The following LHX6 variants were observed in gnomAD, a reference collection of about 807,000 sequenced individuals.
The protein encoded by LHX6 is LIM homeobox 6.
In LHX6, 15 loss-of-function variants were observed where a neutral mutation model predicts 47.1. The ratio of observed to expected loss-of-function variants is 0.32; its 90% CI spans 0.21 to 0.49. The LOEUF (loss-of-function observed/expected upper bound fraction) is 0.49, where lower values mean the gene tolerates loss of function less well. Among genes scored for constraint, LHX6 ranks in the 20% least tolerant of loss-of-function variants. The pLI, the probability that LHX6 is intolerant of heterozygous loss-of-function variation, is 0.99. For missense variants in LHX6, 404 were observed against 539.6 expected (o/e 0.75, Z 2.49); for synonymous variants, 242 against 233.5 (o/e 1.04, Z -0.33).
intron 4 of LHX6, among the ~76,000 whole-genome samples, chr9:122,225,269 A>G (rs1044282354): frequency 1.3e-5 from 2 of 152,234 alleles, no homozygotes; most frequent in Admixed American, 6.5e-5. Flanking sequence ...AGCTTTCTCC[A>G]CTTTTTGAGA....
rs764112046 is a variant in LHX6 at position 122,226,888 on chromosome 9, G to C, written c.299C>G (p.Ser100Cys). ...GTCCAGGATCTCGAGGCCGCAGCTG[G>C]AGCAGATGTTCTTGCCTGCAGACGG... ...SVPSAGKNIC[S>C]SCGLEILDRY... is the part of the protein sequence containing the mutation. The change falls in exon 3 of 10, where the codon TCC (serine) becomes TGC (cysteine). Residue 100 changes from serine to cysteine, a missense_variant. Transcript: ENST00000394319. The surrounding 1 kb of genome is among the most constrained non-coding windows in gnomAD (Gnocchi z 6.5). The C allele has an allele frequency of 6.4e-7, 1 of 1,567,404 alleles. No homozygotes were observed. Among genetic ancestry groups the C allele is most frequent in the Non-Finnish European group, 8.6e-7 (1 of 1,156,286 alleles).
intron 8 of LHX6, among the ~76,000 whole-genome samples, chr9:122,212,002 A>G (rs1046504601): frequency 1.3e-5 from 2 of 152,146 alleles, no homozygotes; most frequent in African/African-American, 4.8e-5. Context: ...ATAAAGAGAC[A>G]TGGTTTCCAA....
At chr9:122,224,015 G>GC (rs1554810578) in intron 4 of LHX6, among the ~76,000 whole-genome samples, 1 of 151,962 alleles carries the variant, frequency 6.6e-6, no homozygotes, top group Non-Finnish European at 1.5e-5. Flanking sequence ...CATCTGGCAT[G>GC]TTTTTTTGTA....
At chr9:122,215,601 G>C (rs185301177) in intron 5 of LHX6, among the ~76,000 whole-genome samples, 1 of 152,306 alleles carries the variant, frequency 6.6e-6, no homozygotes, top group Admixed American at 6.5e-5. Context: ...CACAGTGTGG[G>C]AAAGCTCTGA....
chr9:122,209,581 C>G (rs747295253), intron 9 of LHX6, 33 bp downstream of exon 9: 4 of 1,613,632 alleles, frequency 2.5e-6, no homozygotes, highest in Non-Finnish European at 3.4e-6. Flanking sequence ...CAGGGTGGCT[C>G]TGACCCACCA....
At chr9:122,225,817 G>A (rs1831070851) in intron 4 of LHX6, among the ~76,000 whole-genome samples, 2 of 152,206 alleles carry the variant, frequency 1.3e-5, no homozygotes, top group African/African-American at 4.8e-5. Context: ...GTATGGGATC[G>A]GATCTGAGAC....
chr9:122,221,320 C>T (rs1588355876), intron 4 of LHX6: 4 of 985,558 alleles, frequency 4.1e-6, no homozygotes, highest in Non-Finnish European at 4.8e-6. Context: ...CCTCTCGGCT[C>T]CCCCAACATC....
intron 2 of LHX6, 28 bp from the exon 3 acceptor site, chr9:122,227,058 C>G (rs1255846757): frequency 1.4e-6 from 2 of 1,452,890 alleles, no homozygotes; most frequent in African/African-American, 2.9e-5. Context: ...AGGAGAGGAG[C>G]GCTGATCCGG....
At chr9:122,221,485 A>G in intron 4 of LHX6, 1 of 985,540 alleles carries the variant, frequency 1.0e-6, no homozygotes, top group Non-Finnish European at 1.2e-6. Flanking sequence ...GCGGAGGGCC[A>G]GAGAAGGCTA....
rs188875777 is a variant in LHX6, at chr9:122,213,038, C to T, written c.1054+568G>A. Among the ~76,000 whole-genome samples the T allele has an allele frequency of 4.1e-3, 624 of 152,190 alleles. 10 individuals are homozygous for T. The highest frequency in any genetic ancestry group is 0.037 in the Admixed American group (565 of 15,294). On this transcript the variant is annotated intron_variant, in intron 8 of 9. Transcript: ENST00000394319. This position sits in a 1 kb window ranked among gnomAD's most constrained non-coding sequence, Gnocchi z 5.5. ...ACTCCCATCACACTGGCCTTCTGCTCCCCAGAACACACCCATGCCACGATG... is the reference window on the plus strand; with the variant it reads ...ACTCCCATCACACTGGCCTTCTGCTTCCCAGAACACACCCATGCCACGATG...
intron 5 of LHX6, among the ~76,000 whole-genome samples, chr9:122,215,066 C>T (rs1830544578): frequency 6.6e-6 from 1 of 152,162 alleles, no homozygotes; most frequent in Admixed American, 6.6e-5. Context: ...TAACCATATT[C>T]CCATTTTATT....
At chr9:122,227,700 C>T in intron 1 of LHX6, 1 of 971,628 alleles carries the variant, frequency 1.0e-6, no homozygotes, top group Non-Finnish European at 1.4e-6. Context: ...TCCCCCTCTC[C>T]CTGCACTTAA....
intron 9 of LHX6, among the ~76,000 whole-genome samples, 163 bp downstream of exon 9, chr9:122,209,451 C>T (rs531477494): frequency 1.3e-4 from 20 of 152,350 alleles, no homozygotes; most frequent in Middle Eastern, 3.4e-3. Flanking sequence ...GCAACCACCG[C>T]TCCAGTGACT....
Position 122,214,457 on chromosome 9 carries a change from G to T in LHX6, c.683-74C>A. The T allele has an allele frequency of 7.0e-7, 1 of 1,434,316 alleles. No homozygotes were observed. The allele number at this position is 1,434,316 out of a possible 1,614,324, so 88.8% of individuals were successfully genotyped here. ...GCAGCCTGGAAAGGACGGGGGTGGGGGGAGCTTGTCCCTGGAAGGGTCAGG... is the reference window on the plus strand; with the variant it reads ...GCAGCCTGGAAAGGACGGGGGTGGGTGGAGCTTGTCCCTGGAAGGGTCAGG... On this transcript the variant is annotated intron_variant, in intron 5 of 9. Transcript: ENST00000394319. This position sits in a 1 kb window ranked among gnomAD's most constrained non-coding sequence, Gnocchi z 4.6.
At chr9:122,209,151 G>C in intron 9 of LHX6, among the ~76,000 whole-genome samples, 1 of 152,232 alleles carries the variant, frequency 6.6e-6, no homozygotes, top group Non-Finnish European at 1.5e-5. Flanking sequence ...TAAAGCCTGA[G>C]ACAACCAGAA....
rs1163816742 is a variant in LHX6, at chr9:122,213,216, T to A, written c.1054+390A>T. On this transcript the variant is annotated intron_variant, in intron 8 of 9. Transcript: ENST00000394319. The surrounding 1 kb of genome is among the most constrained non-coding windows in gnomAD (Gnocchi z 5.5). Reference sequence around the variant, plus strand: ...TCCAGTCACTCCTACCCAGCACCTTTCCTACAGGAATCATCCCACTTAAAA... The same window carrying A: ...TCCAGTCACTCCTACCCAGCACCTTACCTACAGGAATCATCCCACTTAAAA... 4.6e-5 allele frequency among the ~76,000 whole-genome samples: 7 copies of A among 151,944 alleles called. No individual in the cohort carries two copies. The highest frequency in any genetic ancestry group is 1.0e-4 in the Non-Finnish European group (7 of 67,990).
rs1831156137 is a variant in LHX6 at position 122,227,453 on chromosome 9, T to C, written c.112A>G (p.Lys38Glu). ...CCTTCAAGACAGCGGGTGGTCGCTT[T>C]GCAGCCGGACCCTGGCTGGGCCATC... ...QVMAQPGSGC[K>E]ATTRCLEGTA... Residue 38 changes from lysine (K) to glutamate (E), a missense_variant, in exon 2 of 10, where the codon AAA (lysine) becomes GAA (glutamate). This residue lies in a region of LHX6 where 144 missense variants were observed against 128.7 expected (regional missense o/e 1.12). Transcript: ENST00000394319. 8.0e-7 allele frequency: 1 copy of C among 1,257,768 alleles called. No individual in the cohort carries two copies. 77.9% of individuals were successfully genotyped at this position (1,257,768 alleles called of 1,614,324 possible). A position where few individuals can be genotyped will look rare whatever the true frequency, so the allele number is the denominator to read the frequency against.
At chr9:122,223,667 C>A (rs1354158480) in intron 4 of LHX6, among the ~76,000 whole-genome samples, 4 of 152,148 alleles carry the variant, frequency 2.6e-5, no homozygotes, top group African/African-American at 9.7e-5. Flanking sequence ...TGGCTGCACA[C>A]CCTACTCTCT....
intron 4 of LHX6, chr9:122,221,005 A>T: frequency 1.2e-6 from 1 of 832,366 alleles, no homozygotes; most frequent in Non-Finnish European, 1.4e-6. Flanking sequence ...CCTTTTCTGT[A>T]CAAGGAAACC....
Sources: gnomAD v4.1 joint callset for allele counts (sites outside exome capture counted in the v4.1 genomes callset) on GRCh38, gnomAD v4.1.1 for gene constraint, gnomAD v4.1.1 regional missense constraint, Gnocchi (gnomAD v3.1) non-coding constraint, MANE v1.5 for transcripts, NCBI Gene and HGNC (gene_info 2026-07-23, HGNC 2026-07-21) for gene names.